ERN2: variants seen among roughly 807,000 people sequenced by gnomAD.
ERN2 encodes the protein serine/threonine-protein kinase/endoribonuclease IRE2.
Under a neutral mutation model 107.9 loss-of-function variants are expected in ERN2, and 111 were observed. That is an observed-to-expected ratio of 1.03 (90% CI 0.88 to 1.20). ERN2 has a LOEUF of 1.20. Ranked by LOEUF, ERN2 falls within the 50% of genes most tolerant of loss-of-function variation. The pLI, the probability that ERN2 is intolerant of heterozygous loss-of-function variation, is 0.00. For synonymous variants in ERN2, 524 were observed against 501.7 expected, an observed-to-expected ratio of 1.04 and a Z score of -0.59; for missense variants, 1,225 against 1,197.9, an observed-to-expected ratio of 1.02 and a Z score of -0.33.
At chr16:23,704,500 C>T (rs969827829) in intron 8 of ERN2, among the ~76,000 whole-genome samples, 2 of 152,188 alleles carry the variant, frequency 1.3e-5, no homozygotes, top group African/African-American at 4.8e-5. Flanking sequence ...CTTGTTCCTG[C>T]TTGCTTTCTG....
intron 12 of ERN2, 58 bp downstream of exon 12, chr16:23,700,901 C>G: frequency 6.4e-7 from 1 of 1,568,954 alleles, no homozygotes; most frequent in Non-Finnish European, 8.7e-7. Context: ...TGAGTGGTCT[C>G]AGAGAGGAGA....
rs567656645 is a variant in ERN2, at chr16:23,698,097, G to T, written c.1526-2119C>A. Among the ~76,000 whole-genome samples the T allele has an allele frequency of 1.8e-4, 27 of 152,314 alleles. No individual in the cohort carries two copies. The South Asian group carries it at 5.6e-3, about 32-fold the overall frequency. On this transcript the variant is annotated intron_variant, in intron 13 of 21. Transcript: ENST00000256797. ...ACCTCTGGAAATCCTGCATACACAT[G>T]ATGGACTTTGCTGCTGCTTCTACAC...
intron 11 of ERN2, 134 bp downstream of exon 11, chr16:23,702,018 T>C: frequency 1.2e-6 from 1 of 868,366 alleles, no homozygotes; most frequent in East Asian, 2.6e-5. Context: ...CAACAAAAAG[T>C]CTGGGAAATT....
At chr16:23,700,874 T>G in intron 12 of ERN2, 85 bp downstream of exon 12, 1 of 1,513,808 alleles carries the variant, frequency 6.6e-7, no homozygotes, top group Non-Finnish European at 8.9e-7. Context: ...CAGAGCTGGG[T>G]AGAGGGAGAG....
chr16:23,710,693 A>C, intron 2 of ERN2, 144 bp from the exon 3 acceptor site: 1 of 1,027,988 alleles, frequency 9.7e-7, no homozygotes, highest in Non-Finnish European at 1.5e-6. Flanking sequence ...ACTCTGTCAG[A>C]TAGGGTCATA....
At chr16:23,701,311 C>A (rs1012248979) in intron 11 of ERN2, among the ~76,000 whole-genome samples, 197 bp from the exon 12 acceptor site, 3 of 152,168 alleles carry the variant, frequency 2.0e-5, no homozygotes, top group Admixed American at 2.0e-4. Context: ...TACCCAATGA[C>A]CAGCATTTCA....
chr16:23,710,995 G>A lies in ERN2; in HGVS notation c.117C>T (p.Asn39=), dbSNP rs61749093. ...SPQVHTLRPE[N]LLLVSTLDGS... The stretch of plus-strand genomic sequence containing the variant: ...CATCCAAGGTGGACACCAGCAGGAG[G>A]TTCTCTGGCCTGAGAGTATGAACCT... The change falls in exon 2 of 22, where the codon AAC becomes AAT. Residue 39 remains asparagine (N), a synonymous_variant. Transcript: ENST00000256797. 4 of 1,613,870 alleles carry A rather than the reference G, an allele frequency of 2.5e-6. No homozygotes were observed. The highest frequency in any genetic ancestry group is 2.7e-5 in the African/African-American group (2 of 74,926).
At chr16:23,694,293 G>A (rs1271551392) in intron 17 of ERN2, among the ~76,000 whole-genome samples, 5 of 152,168 alleles carry the variant, frequency 3.3e-5, no homozygotes, top group Non-Finnish European at 5.9e-5. Context: ...CACCGCACCC[G>A]GCAATGGGCA....
chr16:23,697,176 TTAATAATAATAATAATAA>T (rs59956325), intron 13 of ERN2: 1 of 144,428 alleles, frequency 6.9e-6, no homozygotes, highest in African/African-American at 2.6e-5. Context: ...ATCTCAATAA[TTAATAATAATAATAATAA>T]TAATAATAAT....
rs55772851 is a variant in ERN2 at position 23,704,925 on chromosome 16, C to T, written c.812G>A (p.Arg271Gln). 184 of 1,613,236 alleles carry T rather than the reference C, an allele frequency of 1.1e-4. No individual in the cohort carries two copies. In the East Asian group the frequency reaches 2.9e-3, roughly 25 times the overall value. ...GGTAGAGAAGAGGGTGGCTGTGTCC[C>T]GGGGGCCTGAGGCAGGCAGTCGGAT... is the stretch of plus-strand genomic sequence containing the variant. ...GHIRLPASGP[R>Q]DTATLFSTLD... Residue 271 changes from arginine (R) to glutamine (Q), a missense_variant, in exon 8 of 22, where the codon CGG becomes CAG. Coordinates refer to ENST00000256797, the MANE Select transcript of ERN2 (RefSeq NM_033266.4).
At chr16:23,706,152 C>A in intron 7 of ERN2, 178 bp downstream of exon 7, 1 of 552,692 alleles carries the variant, frequency 1.8e-6, no homozygotes. Flanking sequence ...GAGGGTCAGT[C>A]TGGGTGTTGA....
At chr16:23,691,846 C>G (rs1268748529) in intron 19 of ERN2, 117 bp downstream of exon 19, 2 of 1,378,666 alleles carry the variant, frequency 1.5e-6, no homozygotes, top group Admixed American at 2.3e-5. Context: ...AAGAGCCAGG[C>G]TCCCAGGACC....
At position 23,702,463 on chromosome 16, in the gene ERN2, TC is replaced by T. The variant is rs983156636; in HGVS notation, c.1007del (p.Arg336GlnfsTer39). 13 of 1,613,458 alleles carry T rather than the reference TC, an allele frequency of 8.1e-6. No individual in the cohort carries two copies. The highest frequency in any genetic ancestry group is 2.7e-5 in the African/African-American group (2 of 74,948). On this transcript the variant is annotated frameshift_variant, in exon 10 of 22. Transcript: ENST00000256797. LOFTEE classifies it high-confidence loss of function. The part of the protein sequence containing the change: ...DEVTLQVSGE[R>X]EGSPSTAVRY... ...TAACAGCAGTGCTGGGTGAGCCCTC[TC>T]GCTCTCCTGAGACTTGGAGTGTCAC...
chr16:23,692,964 ATTT>A (rs35837766), intron 17 of ERN2, among the ~76,000 whole-genome samples: 1 of 146,288 alleles, frequency 6.8e-6, no homozygotes, highest in African/African-American at 2.5e-5. Context: ...AGCGATTCTG[ATTT>A]TTTTTTTTTT....
At chr16:23,705,228 C>T (rs1960256898) in intron 7 of ERN2, 81 bp from the exon 8 acceptor site, 3 of 1,495,728 alleles carry the variant, frequency 2.0e-6, no homozygotes, top group Admixed American at 1.8e-5. Flanking sequence ...GGTGAGGGGT[C>T]AGTCTGGTGT....
intron 11 of ERN2, among the ~76,000 whole-genome samples, chr16:23,701,773 A>G (rs1449203602): frequency 6.6e-6 from 1 of 151,738 alleles, no homozygotes; most frequent in Non-Finnish European, 1.5e-5. Flanking sequence ...GGGACTACAG[A>G]TGCACACAAC....
chr16:23,707,156 C>T, intron 4 of ERN2, 77 bp from the exon 5 acceptor site: 1 of 992,064 alleles, frequency 1.0e-6, no homozygotes, highest in South Asian at 1.3e-5. Flanking sequence ...AGCCCATTTC[C>T]ATAGCAACCA....
At chr16:23,692,674 T>A (rs1001141918) in intron 17 of ERN2, among the ~76,000 whole-genome samples, 1 of 152,082 alleles carries the variant, frequency 6.6e-6, no homozygotes, top group Non-Finnish European at 1.5e-5. Flanking sequence ...CAGGGGCAGC[T>A]GGTCCTTAGC....
rs1960017695 is a variant in ERN2, at chr16:23,700,681, C to G, written c.1383G>C (p.Lys461Asn). 6.2e-7 allele frequency: 1 copy of G among 1,613,376 alleles called. No homozygotes were observed. The highest frequency in any genetic ancestry group is 8.5e-7 in the Non-Finnish European group (1 of 1,179,714). The change falls in exon 13 of 22, where the codon AAG (lysine) becomes AAC (asparagine). Residue 461 changes from lysine to asparagine, a missense_variant. Physicochemically the swap from Lys to Asn is moderately conservative, Grantham distance 94. Transcript: ENST00000256797. ...CAGGTGCCAGGGGGGTCTCCTGCTG[C>G]TTCTCCACCACCTGCGGCTGTTGCT... The part of the protein sequence containing the change: ...MRQQQPQVVE[K>N]QQETPLAPAD...
Sources: gnomAD v4.1 joint callset for allele counts (sites outside exome capture counted in the v4.1 genomes callset) on GRCh38, gnomAD v4.1.1 for gene constraint, MANE v1.5 for transcripts, NCBI Gene and HGNC (gene_info 2026-07-23, HGNC 2026-07-21) for gene names.